Variants in WAPL observed in about 807,000 individuals in gnomAD.
The protein encoded by WAPL is WAPL cohesin release factor.
Under a neutral mutation model 121.0 loss-of-function variants are expected in WAPL, and 5 were observed. The observed-to-expected ratio is 0.04, with a 90% CI of 0.02 to 0.09. The LOEUF (loss-of-function observed/expected upper bound fraction) is 0.09. WAPL is among the 10% of genes least tolerant of loss of function. The pLI, the probability that WAPL is intolerant of heterozygous loss-of-function variation, is 1.00. For missense variants in WAPL, 999 were observed against 1,410.8 expected (o/e 0.71, Z 4.68); for synonymous variants, 480 against 481.5 (o/e 1.00, Z 0.04).
chr10:86,473,822 C>A (rs1841590189), intron 5 of WAPL, 56 bp downstream of exon 5: 1 of 1,316,646 alleles, frequency 7.6e-7, no homozygotes. Flanking sequence ...AAAAGAGTAA[C>A]TGCTTAATTT....
At chr10:86,510,921 T>C (rs917073683) in intron 2 of WAPL, among the ~76,000 whole-genome samples, 1 of 152,174 alleles carries the variant, frequency 6.6e-6, no homozygotes, top group African/African-American at 2.4e-5. Context: ...CCTGAACTGC[T>C]GGGCTCAAGT....
intron 17 of WAPL, among the ~76,000 whole-genome samples, chr10:86,440,292 G>A (rs951082472): frequency 6.6e-6 from 1 of 150,972 alleles, no homozygotes; most frequent in Non-Finnish European, 1.5e-5. Flanking sequence ...TATTTTCATT[G>A]CTTTTTTTTT....
intron 2 of WAPL, among the ~76,000 whole-genome samples, chr10:86,505,915 T>G (rs992234709): frequency 1.5e-4 from 23 of 151,888 alleles, no homozygotes. Flanking sequence ...AAAGAAAAAA[T>G]TTTAAAAAGA....
At chr10:86,489,422 T>A (rs1841994619) in intron 4 of WAPL, among the ~76,000 whole-genome samples, 1 of 152,322 alleles carries the variant, frequency 6.6e-6, no homozygotes, top group Admixed American at 6.5e-5. Flanking sequence ...CAAAGTGCTC[T>A]TGTTTTTAGA....
intron 2 of WAPL, among the ~76,000 whole-genome samples, chr10:86,504,635 G>T (rs1409942182): frequency 6.6e-6 from 1 of 150,884 alleles, no homozygotes; most frequent in Non-Finnish European, 1.5e-5. Context: ...CCCGTCGACA[G>T]AGCGAGACTC....
At chr10:86,483,379 C>A (rs908346680) in intron 4 of WAPL, among the ~76,000 whole-genome samples, 1 of 151,406 alleles carries the variant, frequency 6.6e-6, no homozygotes, top group Admixed American at 6.6e-5. Context: ...GAGATCCCAC[C>A]ACTGCACTCC....
intron 15 of WAPL, among the ~76,000 whole-genome samples, chr10:86,450,041 A>C (rs2132170933): frequency 6.6e-6 from 1 of 152,364 alleles, no homozygotes; most frequent in East Asian, 1.9e-4. Context: ...AAGTGCAGTT[A>C]ACAGTAATGT....
rs143362781 is a variant in WAPL, at chr10:86,505,169, T to C, written c.500-4426A>G. On this transcript the variant is annotated intron_variant, in intron 2 of 18. Coordinates refer to ENST00000298767, the MANE Select transcript of WAPL (RefSeq NM_015045.5). ...CTAAAAGCTGTAGAGTTTTTTTTTC[T>C]GTAGAGACAGGATTTTTTTATGTTT... Among the ~76,000 whole-genome samples the C allele has an allele frequency of 7.2e-3, 969 of 134,982 alleles. 5 individuals carry two copies. Among genetic ancestry groups the C allele is most frequent in the African/African-American group, 0.023 (844 of 36,010 alleles). The allele number at this position is 134,982 out of a possible 152,430, so 88.6% of individuals were successfully genotyped here. A position where few individuals can be genotyped will look rare whatever the true frequency, so the allele number is the denominator to read the frequency against.
At chr10:86,509,708 G>C in intron 2 of WAPL, among the ~76,000 whole-genome samples, 1 of 151,752 alleles carries the variant, frequency 6.6e-6, no homozygotes, top group East Asian at 1.9e-4. Flanking sequence ...ACTTCCTAAA[G>C]GCACAAGTGC....
intron 15 of WAPL, among the ~76,000 whole-genome samples, chr10:86,448,301 C>G (rs1564562614): frequency 6.6e-6 from 1 of 151,564 alleles, no homozygotes; most frequent in African/African-American, 2.4e-5. Flanking sequence ...AAATACGAAA[C>G]TTAGCCAAAC....
chr10:86,454,366 C>CTCTCCCTCTCCCTCCACAA (rs1407748042), intron 12 of WAPL, among the ~76,000 whole-genome samples: 193 of 152,058 alleles, frequency 1.3e-3, no homozygotes, highest in African/African-American at 4.2e-3. Flanking sequence ...CTCGCTCTCC[C>CTCTCCCTCTCCCTCCACAA]TCTCCCTCTC....
At chr10:86,457,190 G>T (rs1024457426) in intron 12 of WAPL, among the ~76,000 whole-genome samples, 3 of 152,124 alleles carry the variant, frequency 2.0e-5, no homozygotes, top group African/African-American at 7.2e-5. Flanking sequence ...AATGCATGCG[G>T]TAAGAGCACT....
chr10:86,450,521 C>T (rs1466299675), intron 15 of WAPL, among the ~76,000 whole-genome samples: 1 of 152,154 alleles, frequency 6.6e-6, no homozygotes, highest in Non-Finnish European at 1.5e-5. Context: ...TAGGTGTGAG[C>T]TACCTTGCCC....
chr10:86,485,074 C>A (rs1341687953), intron 4 of WAPL, among the ~76,000 whole-genome samples: 3 of 147,680 alleles, frequency 2.0e-5, no homozygotes, highest in Non-Finnish European at 4.5e-5. Context: ...CATCTCCCCC[C>A]ACTCACCCCC....
intron 4 of WAPL, among the ~76,000 whole-genome samples, chr10:86,481,688 G>C (rs943787616): frequency 2.0e-5 from 3 of 151,842 alleles, no homozygotes; most frequent in African/African-American, 7.3e-5. Flanking sequence ...ATTTTAGTCT[G>C]TTTATTTTTA....
At chr10:86,441,231 C>CA (rs1400320578) in intron 17 of WAPL, among the ~76,000 whole-genome samples, 4 of 152,198 alleles carry the variant, frequency 2.6e-5, no homozygotes, top group Non-Finnish European at 5.9e-5. Flanking sequence ...AGAGAACACT[C>CA]ACAATGATTC....
rs772222620 is a variant in WAPL, at chr10:86,443,345, T to C, written c.3341A>G (p.Lys1114Arg). Residue 1114 changes from lysine (K) to arginine (R), a missense_variant, in exon 17 of 19, where the codon AAA becomes AGA. Transcript: ENST00000298767. Reference sequence around the variant, plus strand: ...GGCCACAATGCAATCCTCCATGTGTTTGCCGGCATGCTGAAGGGCTGAGAG... The same window carrying C: ...GGCCACAATGCAATCCTCCATGTGTCTGCCGGCATGCTGAAGGGCTGAGAG... ...DLNKALQHAG[K>R]HMEDCIVASY... 9 of 1,614,112 alleles carry C rather than the reference T, an allele frequency of 5.6e-6. No homozygotes were observed. The highest frequency in any genetic ancestry group is 7.6e-6 in the Non-Finnish European group (9 of 1,179,988).
At chr10:86,506,967 T>G (rs886945809) in intron 2 of WAPL, among the ~76,000 whole-genome samples, 4 of 151,708 alleles carry the variant, frequency 2.6e-5, no homozygotes, top group Admixed American at 6.6e-5. Flanking sequence ...TCCTCCACCC[T>G]GTTATATAAG....
chr10:86,452,498 A>G (rs1048131242), intron 14 of WAPL, among the ~76,000 whole-genome samples: 1 of 152,002 alleles, frequency 6.6e-6, no homozygotes, highest in Admixed American at 6.5e-5. Flanking sequence ...AGGCTGAGGC[A>G]GGAGAATAGC....
Sources: gnomAD v4.1 joint callset for allele counts (sites outside exome capture counted in the v4.1 genomes callset) on GRCh38, gnomAD v4.1.1 for gene constraint, MANE v1.5 for transcripts, NCBI Gene and HGNC (gene_info 2026-07-23, HGNC 2026-07-21) for gene names.